SNAP47: variants seen among roughly 807,000 people sequenced by gnomAD.
The protein encoded by SNAP47 is synaptosome associated protein 47, also known as synaptosomal-associated protein 47.
In SNAP47, 20 loss-of-function variants were observed where a neutral mutation model predicts 31.4. That is an observed-to-expected ratio of 0.64 (90% CI 0.45 to 0.93). The LOEUF (loss-of-function observed/expected upper bound fraction) is 0.93. Among genes scored for constraint, SNAP47 ranks in the 40% least tolerant of loss-of-function variants. The pLI is 0.00. For missense variants in SNAP47, 492 were observed against 528.5 expected (o/e 0.93, Z 0.68); for synonymous variants, 194 against 213.4 (o/e 0.91, Z 0.79).
chr1:227,772,466 A>G (rs1663882550), intron 4 of SNAP47, among the ~76,000 whole-genome samples: 1 of 151,004 alleles, frequency 6.6e-6, no homozygotes, highest in Non-Finnish European at 1.5e-5. Context: ...TACGGTTTTC[A>G]GGGCCCATGC....
At chr1:227,767,700 G>C (rs991068416) in intron 4 of SNAP47, among the ~76,000 whole-genome samples, 1 of 152,144 alleles carries the variant, frequency 6.6e-6, no homozygotes. Flanking sequence ...TGTGTGTGGA[G>C]CGTGCATGTA....
At chr1:227,729,109 G>A (rs903205869) in intron 1 of SNAP47, among the ~76,000 whole-genome samples, 5 of 152,240 alleles carry the variant, frequency 3.3e-5, no homozygotes, top group African/African-American at 1.2e-4. Context: ...CTAGCTTCAG[G>A]ACAGGGTTTG....
chr1:227,775,673 G>A (rs749025742), intron 4 of SNAP47: 1 of 1,057,278 alleles, frequency 9.5e-7, no homozygotes, highest in Non-Finnish European at 1.3e-6. Flanking sequence ...ACACACAGCT[G>A]CTTTGTAGGT....
At chr1:227,776,933 G>T in intron 4 of SNAP47, 2 of 985,346 alleles carry the variant, frequency 2.0e-6, no homozygotes, top group Non-Finnish European at 1.2e-6. Flanking sequence ...CCTTTATTTT[G>T]TCTGTGTACA....
intron 4 of SNAP47, among the ~76,000 whole-genome samples, chr1:227,773,584 G>T (rs184757877): frequency 1.3e-5 from 2 of 152,330 alleles, no homozygotes; most frequent in East Asian, 3.9e-4. Context: ...CACACCCAGG[G>T]CCGCGTCCAG....
chr1:227,778,957 A>G (rs779524936), intron 4 of SNAP47, among the ~76,000 whole-genome samples: 5 of 152,210 alleles, frequency 3.3e-5, no homozygotes, highest in Non-Finnish European at 5.9e-5. Flanking sequence ...CTCAGCAGGA[A>G]GGCCAGGTTT....
At position 227,766,116 on chromosome 1, in the gene SNAP47, G is replaced by T. The variant is rs180707543; in HGVS notation, c.989-843G>T. 3.3e-5 allele frequency among the ~76,000 whole-genome samples: 5 copies of T among 152,286 alleles called. 2 individuals carry two copies. The highest frequency in any genetic ancestry group is 1.2e-4 in the African/African-American group (5 of 41,542). ...TCCATCAGGATTGAGGAGGGTACGG[G>T]CTCTGCTGGCTGAGGTAGGAACCTG... On this transcript the variant is annotated intron_variant, in intron 3 of 4. Coordinates refer to ENST00000617596, the MANE Select transcript of SNAP47 (RefSeq NM_053052.4).
At chr1:227,735,912 G>T (rs1661112002) in intron 1 of SNAP47, among the ~76,000 whole-genome samples, 1 of 150,394 alleles carries the variant, frequency 6.6e-6, no homozygotes, top group South Asian at 2.1e-4. Flanking sequence ...TGGAGAGGAC[G>T]GTGGGATCTG....
At chr1:227,771,820 C>T (rs1663832317) in intron 4 of SNAP47, among the ~76,000 whole-genome samples, 1 of 152,140 alleles carries the variant, frequency 6.6e-6, no homozygotes, top group South Asian at 2.1e-4. Context: ...CCATGCCAGG[C>T]ACAGCCCTTG....
At chr1:227,744,550 C>T (rs1661829476) in intron 1 of SNAP47, among the ~76,000 whole-genome samples, 2 of 151,828 alleles carry the variant, frequency 1.3e-5, no homozygotes, top group Non-Finnish European at 2.9e-5. Context: ...TCCTCCCCCT[C>T]CTCTCTTCCC....
At chr1:227,733,273 C>T (rs1660796300), upstream of SNAP47, 11 of 965,628 alleles carry the variant, frequency 1.1e-5, no homozygotes, top group African/African-American at 3.3e-5. Context: ...TAGGCCTCAG[C>T]GACACCACCT....
intron 3 of SNAP47, among the ~76,000 whole-genome samples, chr1:227,766,558 C>G (rs965228141): frequency 5.9e-5 from 9 of 152,190 alleles, no homozygotes; most frequent in African/African-American, 2.2e-4. Context: ...TGGGCCACTT[C>G]CTGTGCTCTC....
At chr1:227,742,459 C>T (rs1042693263) in intron 1 of SNAP47, among the ~76,000 whole-genome samples, 12 of 152,108 alleles carry the variant, frequency 7.9e-5, no homozygotes, top group South Asian at 6.2e-4. Context: ...GTTATTTTGA[C>T]GGTGGGTAAA....
intron 1 of SNAP47, among the ~76,000 whole-genome samples, chr1:227,738,866 A>T (rs1661407192): frequency 6.6e-6 from 1 of 152,112 alleles, no homozygotes; most frequent in African/African-American, 2.4e-5. Flanking sequence ...CTAAGAAAGG[A>T]GCATTTGGGC....
upstream of SNAP47, among the ~76,000 whole-genome samples, chr1:227,728,354 G>C (rs957947877): frequency 6.6e-6 from 1 of 152,130 alleles, no homozygotes; most frequent in African/African-American, 2.4e-5. Flanking sequence ...GGAGCGGGGG[G>C]GGCGGGCCCC....
At chr1:227,764,661 T>G (rs1464336000) in intron 3 of SNAP47, among the ~76,000 whole-genome samples, 1 of 151,894 alleles carries the variant, frequency 6.6e-6, no homozygotes, top group East Asian at 1.9e-4. Flanking sequence ...ATCCCAGCAG[T>G]TGGGGAGGCA....
At chr1:227,757,330 A>C (rs1662760499) in intron 2 of SNAP47, among the ~76,000 whole-genome samples, 1 of 152,204 alleles carries the variant, frequency 6.6e-6, no homozygotes, top group African/African-American at 2.4e-5. Context: ...AAAACAGACC[A>C]TCTTGGGTGC....
chr1:227,737,404 C>T (rs960729756), intron 1 of SNAP47, among the ~76,000 whole-genome samples: 8 of 152,110 alleles, frequency 5.3e-5, no homozygotes, highest in Admixed American at 1.3e-4. Context: ...GCACACAGTG[C>T]GAGGCCTTTG....
chr1:227,744,783 G>A (rs1661848853), intron 1 of SNAP47, among the ~76,000 whole-genome samples: 1 of 152,222 alleles, frequency 6.6e-6, no homozygotes, highest in Non-Finnish European at 1.5e-5. Context: ...GTGCTTGTGG[G>A]TGCTCCTGGG....
Sources: allele counts gnomAD v4.1 joint callset (sites outside exome capture counted in the v4.1 genomes callset), GRCh38; gene constraint gnomAD v4.1.1; transcripts MANE v1.5; gene names NCBI Gene and HGNC (gene_info 2026-07-23, HGNC 2026-07-21).